BNC2: variants seen among roughly 807,000 people sequenced by gnomAD.
BNC2 encodes zinc finger protein basonuclin-2.
A neutral mutation model predicts 76.3 loss-of-function variants in BNC2; 20 were observed. The ratio of observed to expected loss-of-function variants is 0.26; its 90% CI spans 0.18 to 0.38. BNC2 has a LOEUF of 0.38. BNC2 is among the 10% of genes least tolerant of loss of function. BNC2 has a pLI of 1.00. For synonymous variants in BNC2, 582 were observed against 514.8 expected (o/e 1.13, Z -1.77); for missense variants, 1,382 against 1,399.8 (o/e 0.99, Z 0.20).
At chr9:16,447,952 A>G (rs1303762225) in intron 5 of BNC2, among the ~76,000 whole-genome samples, 1 of 152,108 alleles carries the variant, frequency 6.6e-6, no homozygotes, top group Non-Finnish European at 1.5e-5. Context: ...TGGAGATTCT[A>G]GAGGGTACTT....
At chr9:16,553,894 G>A (rs1361405130) in intron 4 of BNC2, among the ~76,000 whole-genome samples, 1 of 152,238 alleles carries the variant, frequency 6.6e-6, no homozygotes, top group South Asian at 2.1e-4. Context: ...GTGAGATAAC[G>A]AGTGAGAGGC....
chr9:16,648,482 A>C (rs994701894), intron 3 of BNC2, among the ~76,000 whole-genome samples: 1 of 152,260 alleles, frequency 6.6e-6, no homozygotes, highest in Non-Finnish European at 1.5e-5. Context: ...GCTTAAAAAC[A>C]CAATTCTGAA....
chr9:16,523,590 A>G (rs1817692496), intron 5 of BNC2, among the ~76,000 whole-genome samples: 1 of 152,106 alleles, frequency 6.6e-6, no homozygotes. Flanking sequence ...ACTAAAGAGA[A>G]GAAAGGTATA....
At chr9:16,834,413 T>G (rs1450358592) in intron 1 of BNC2, among the ~76,000 whole-genome samples, 1 of 152,172 alleles carries the variant, frequency 6.6e-6, no homozygotes, top group Non-Finnish European at 1.5e-5. Flanking sequence ...CCTGTGTTGG[T>G]AGCAATGACA....
chr9:16,602,616 C>T (rs79209175), intron 3 of BNC2, among the ~76,000 whole-genome samples: 3 of 152,332 alleles, frequency 2.0e-5, no homozygotes, highest in South Asian at 2.1e-4. Context: ...AGCCCTGGGC[C>T]GAGAGCAATG....
chr9:16,834,220 A>G (rs751762399), intron 1 of BNC2, among the ~76,000 whole-genome samples: 3 of 152,162 alleles, frequency 2.0e-5, no homozygotes, highest in Non-Finnish European at 4.4e-5. Context: ...CTTAAGCAAA[A>G]TAATTCTGAT....
intron 3 of BNC2, among the ~76,000 whole-genome samples, chr9:16,653,323 G>A (rs527929497): frequency 6.6e-6 from 1 of 152,068 alleles, no homozygotes; most frequent in Non-Finnish European, 1.5e-5. Context: ...ACAAATGTAA[G>A]TGCCCACACA....
chr9:16,820,049 C>T (rs1301621040), intron 1 of BNC2, among the ~76,000 whole-genome samples: 1 of 126,698 alleles, frequency 7.9e-6, no homozygotes, highest in Non-Finnish European at 1.6e-5. Context: ...CGCTTGTGCC[C>T]AGGAGGCAGA....
intron 1 of BNC2, among the ~76,000 whole-genome samples, chr9:16,784,424 C>A (rs899076952): frequency 2.6e-5 from 4 of 152,122 alleles, no homozygotes; most frequent in African/African-American, 9.7e-5. Flanking sequence ...AATTGTCCCA[C>A]AAGGGACAAA....
intron 5 of BNC2, among the ~76,000 whole-genome samples, chr9:16,447,250 G>C (rs765647843): frequency 1.3e-5 from 2 of 151,992 alleles, no homozygotes; most frequent in Non-Finnish European, 2.9e-5. Context: ...TATACCTTTA[G>C]GCTAAAGCAG....
chr9:16,449,569 CTA>C (rs1446470810), intron 5 of BNC2, among the ~76,000 whole-genome samples: 12 of 152,038 alleles, frequency 7.9e-5, no homozygotes, highest in Non-Finnish European at 1.5e-5. Flanking sequence ...TCTTGTATTG[CTA>C]TGTTTATCTG....
intron 1 of BNC2, among the ~76,000 whole-genome samples, chr9:16,825,486 G>C (rs1359249401): frequency 6.6e-6 from 1 of 152,076 alleles, no homozygotes; most frequent in Non-Finnish European, 1.5e-5. Context: ...GATGCTTCTA[G>C]TTTACCAGTT....
intron 3 of BNC2, among the ~76,000 whole-genome samples, chr9:16,677,578 AACAC>A (rs57587457): frequency 5.5e-4 from 77 of 139,336 alleles, no homozygotes; most frequent in African/African-American, 1.8e-3. Flanking sequence ...GTCTCAAACA[AACAC>A]ACACACACAC....
At chr9:16,675,115 C>A (rs922528233) in intron 3 of BNC2, among the ~76,000 whole-genome samples, 3 of 152,212 alleles carry the variant, frequency 2.0e-5, no homozygotes, top group African/African-American at 7.2e-5. Flanking sequence ...CCTGCCAAGA[C>A]AACTACTACA....
chr9:16,551,045 C>G (rs1407547651), intron 5 of BNC2, among the ~76,000 whole-genome samples: 2 of 152,114 alleles, frequency 1.3e-5, no homozygotes, highest in African/African-American at 2.4e-5. Flanking sequence ...CCCTCATGCC[C>G]CCTGACCGTC....
chr9:16,615,321 T>C (rs79524172), intron 3 of BNC2, among the ~76,000 whole-genome samples: 1,530 of 152,246 alleles, frequency 0.01, 36 homozygotes, highest in African/African-American at 0.035. Context: ...GCTCAGGACA[T>C]GCTACCCCAA....
At position 16,417,261 on chromosome 9, in the gene BNC2, G is replaced by C. The variant is rs1820604291; in HGVS notation, c.*1728C>G. 6.6e-6 allele frequency: 1 copy of C among 152,608 alleles called. No homozygotes were observed. Among genetic ancestry groups the C allele is most frequent in the East Asian group, 1.9e-4 (1 of 5,194 alleles). The allele number at this position is 152,608 out of a possible 1,614,324, so 9.5% of individuals were successfully genotyped here. A position where few individuals can be genotyped will look rare whatever the true frequency, so the allele number is the denominator to read the frequency against. ...ATTTAGTCAGTATGTTGTGGTAGCT[G>C]AGGCTGCCGATGTGGTTAACCAGCT... On this transcript the variant is annotated 3_prime_UTR_variant, in exon 7 of 7. Coordinates refer to ENST00000380672, the MANE Select transcript of BNC2 (RefSeq NM_017637.6).
chr9:16,846,056 C>G (rs1229483381), intron 1 of BNC2, among the ~76,000 whole-genome samples: 1 of 151,226 alleles, frequency 6.6e-6, no homozygotes, highest in African/African-American at 2.4e-5. Context: ...AGGAGAATGG[C>G]GTGAACCCAG....
intron 1 of BNC2, among the ~76,000 whole-genome samples, chr9:16,808,506 TGAGACAGA>T (rs1817968763): frequency 7.9e-6 from 1 of 126,816 alleles, no homozygotes; most frequent in Non-Finnish European, 1.6e-5. Flanking sequence ...TTTTTTTTTT[TGAGACAGA>T]GTCTCATTCT....
Sources: gnomAD v4.1 joint callset for allele counts (sites outside exome capture counted in the v4.1 genomes callset) on GRCh38, gnomAD v4.1.1 for gene constraint, MANE v1.5 for transcripts, NCBI Gene and HGNC (gene_info 2026-07-23, HGNC 2026-07-21) for gene names.